RCAN2: variants seen among roughly 807,000 people sequenced by gnomAD.
The protein encoded by RCAN2 is regulator of calcineurin 2.
RCAN2 carries 9 observed loss-of-function variants against 23.6 expected under a neutral mutation model. The ratio of observed to expected loss-of-function variants is 0.38; its 90% CI spans 0.23 to 0.67. The LOEUF (loss-of-function observed/expected upper bound fraction) is 0.67, where lower values mean the gene tolerates loss of function less well. Among genes scored for constraint, RCAN2 ranks in the 30% least tolerant of loss-of-function variants. The probability of loss-of-function intolerance (pLI) is 0.51; values close to 1 mark genes in which losing one functional copy is unlikely to be tolerated. For synonymous variants in RCAN2, 109 were observed against 115.7 expected, an observed-to-expected ratio of 0.94 and a Z score of 0.37; for missense variants, 273 against 302.3, an observed-to-expected ratio of 0.90 and a Z score of 0.72.
At chr6:46,283,401 C>A (rs1017626140) in intron 2 of RCAN2, among the ~76,000 whole-genome samples, 6 of 152,114 alleles carry the variant, frequency 3.9e-5, no homozygotes, top group Non-Finnish European at 1.5e-5. Flanking sequence ...TGTGATTGTA[C>A]CACTATACTC....
chr6:46,462,774 C>A (rs1768257976), intron 1 of RCAN2, among the ~76,000 whole-genome samples: 1 of 152,186 alleles, frequency 6.6e-6, no homozygotes, highest in Non-Finnish European at 1.5e-5. Context: ...TAGAAGACAT[C>A]TGATTCTGCT....
intron 4 of RCAN2, among the ~76,000 whole-genome samples, chr6:46,231,372 G>T (rs1250629194): frequency 1.3e-5 from 2 of 151,598 alleles, no homozygotes; most frequent in African/African-American, 4.8e-5. Context: ...AGAACGGTGA[G>T]TCTATAAATT....
At chr6:46,254,865 G>A (rs1736311717) in intron 2 of RCAN2, among the ~76,000 whole-genome samples, 1 of 152,130 alleles carries the variant, frequency 6.6e-6, no homozygotes, top group Admixed American at 6.5e-5. Flanking sequence ...GAAACATAGG[G>A]AGAGTGTCCT....
chr6:46,277,182 G>T (rs762616727), intron 2 of RCAN2, among the ~76,000 whole-genome samples: 2 of 152,194 alleles, frequency 1.3e-5, no homozygotes, highest in Admixed American at 1.3e-4. Context: ...TTTGTGGAAC[G>T]TGTTGGTTTT....
chr6:46,333,980 C>A (rs753094749), intron 2 of RCAN2, among the ~76,000 whole-genome samples: 67 of 152,170 alleles, frequency 4.4e-4, no homozygotes, highest in Non-Finnish European at 8.4e-4. Flanking sequence ...CATTATGATA[C>A]CTCACTTGAG....
At chr6:46,246,501 A>C (rs796309648) in intron 4 of RCAN2, among the ~76,000 whole-genome samples, 1 of 152,168 alleles carries the variant, frequency 6.6e-6, no homozygotes, top group Admixed American at 6.5e-5. Flanking sequence ...AAATATCTGC[A>C]TTGCAATCCA....
chr6:46,228,141 A>G (rs1054476557), intron 4 of RCAN2, among the ~76,000 whole-genome samples: 1 of 152,210 alleles, frequency 6.6e-6, no homozygotes, highest in African/African-American at 2.4e-5. Context: ...TCTGAGAGAC[A>G]GTTTGTTATA....
intron 1 of RCAN2, among the ~76,000 whole-genome samples, chr6:46,458,898 T>TGCGCGC (rs1561914387): frequency 6.3e-5 from 7 of 111,560 alleles, no homozygotes; most frequent in African/African-American, 1.9e-4. Flanking sequence ...CGCGCGCACG[T>TGCGCGC]GTGTGTGTGT....
Position 46,435,729 on chromosome 6 carries a change from C to T in RCAN2, c.225+21023G>A, listed in dbSNP as rs945999492. 3.3e-5 allele frequency among the ~76,000 whole-genome samples: 5 copies of T among 152,276 alleles called. 1 individual carries two copies. The South Asian group carries it at 6.2e-4, about 19-fold the overall frequency. On this transcript the variant is annotated intron_variant, in intron 2 of 4. Transcript: ENST00000371374. Reference sequence around the variant, plus strand: ...CAGTTTTCTTTAGGAACTGATGCAACGACAGAATGGAAAGCAAAACAGGAA... The same window carrying T: ...CAGTTTTCTTTAGGAACTGATGCAATGACAGAATGGAAAGCAAAACAGGAA...
chr6:46,470,707 T>C (rs180781026), intron 1 of RCAN2, among the ~76,000 whole-genome samples: 3 of 152,256 alleles, frequency 2.0e-5, no homozygotes, highest in East Asian at 1.9e-4. Context: ...AATAGAACTA[T>C]TGTTTTTTCA....
At chr6:46,238,341 T>C (rs1766180098) in intron 4 of RCAN2, among the ~76,000 whole-genome samples, 1 of 152,196 alleles carries the variant, frequency 6.6e-6, no homozygotes, top group Non-Finnish European at 1.5e-5. Context: ...CAAGAAAGTA[T>C]AATTAGTGTG....
At chr6:46,296,088 T>TGTGG (rs1179901725) in intron 2 of RCAN2, among the ~76,000 whole-genome samples, 2 of 150,270 alleles carry the variant, frequency 1.3e-5, no homozygotes, top group African/African-American at 4.9e-5. Context: ...TGTGTGTGTG[T>TGTGG]GTGTGTGTGT....
intron 1 of RCAN2, among the ~76,000 whole-genome samples, chr6:46,481,000 C>T (rs750839876): frequency 6.6e-6 from 1 of 152,150 alleles, no homozygotes; most frequent in Non-Finnish European, 1.5e-5. Context: ...TCTTCAAGTT[C>T]GTGTTTCCGA....
At chr6:46,336,335 G>T (rs1764142866) in intron 2 of RCAN2, among the ~76,000 whole-genome samples, 3 of 152,192 alleles carry the variant, frequency 2.0e-5, no homozygotes. Context: ...CAGCAAGGCA[G>T]GTGCTAAAGG....
intron 2 of RCAN2, among the ~76,000 whole-genome samples, chr6:46,423,838 G>T (rs1049727519): frequency 6.6e-6 from 1 of 152,070 alleles, no homozygotes; most frequent in Non-Finnish European, 1.5e-5. Flanking sequence ...CACATACCAC[G>T]GTCCAGGTAC....
intron 1 of RCAN2, among the ~76,000 whole-genome samples, chr6:46,488,136 A>G (rs1182429619): frequency 1.3e-5 from 2 of 152,218 alleles, no homozygotes; most frequent in Admixed American, 6.5e-5. Flanking sequence ...GGCAAAAAAC[A>G]CATTCCAGGA....
intron 2 of RCAN2, among the ~76,000 whole-genome samples, chr6:46,452,232 T>G (rs1767901977): frequency 6.6e-6 from 1 of 152,186 alleles, no homozygotes; most frequent in Non-Finnish European, 1.5e-5. Flanking sequence ...TGGCCACTAC[T>G]AGCTTAGACC....
At chr6:46,473,936 C>T (rs1768638068) in intron 1 of RCAN2, among the ~76,000 whole-genome samples, 1 of 152,130 alleles carries the variant, frequency 6.6e-6, no homozygotes, top group African/African-American at 2.4e-5. Flanking sequence ...TATTGAGAAG[C>T]TACTATGTGC....
intron 2 of RCAN2, among the ~76,000 whole-genome samples, chr6:46,369,254 G>A (rs1273764859): frequency 1.3e-5 from 2 of 151,940 alleles, no homozygotes; most frequent in African/African-American, 4.8e-5. Context: ...AATGCCTTCT[G>A]GAATACCTCC....
Sources: gnomAD v4.1 joint callset for allele counts (sites outside exome capture counted in the v4.1 genomes callset) on GRCh38, gnomAD v4.1.1 for gene constraint, MANE v1.5 for transcripts, NCBI Gene and HGNC (gene_info 2026-07-23, HGNC 2026-07-21) for gene names.